The following PDE1C variants were observed in gnomAD, a reference collection of about 807,000 sequenced individuals.
PDE1C encodes phosphodiesterase 1C.
Under a neutral mutation model 93.1 loss-of-function variants are expected in PDE1C, and 62 were observed. The ratio of observed to expected loss-of-function variants is 0.67; its 90% CI spans 0.54 to 0.82. PDE1C has a LOEUF of 0.82. Among genes scored for constraint, PDE1C ranks in the 40% least tolerant of loss-of-function variants. PDE1C has a pLI of 0.00. For synonymous variants in PDE1C, 325 were observed against 310.1 expected, an observed-to-expected ratio of 1.05 and a Z score of -0.50; for missense variants, 742 against 884.6, an observed-to-expected ratio of 0.84 and a Z score of 2.04.
intron 2 of PDE1C, among the ~76,000 whole-genome samples, chr7:32,194,295 C>T (rs1397365036): frequency 6.6e-6 from 1 of 152,138 alleles, no homozygotes; most frequent in Non-Finnish European, 1.5e-5. Context: ...CCCTTATTAT[C>T]CTTTTGATAT....
At chr7:31,680,032 C>A in the PDE1C span, among the ~76,000 whole-genome samples, 1 of 152,282 alleles carries the variant, frequency 6.6e-6, no homozygotes, top group Admixed American at 6.5e-5. Flanking sequence ...AGAGAGTGTC[C>A]GGATGCACCT....
At chr7:32,309,377 C>T (rs1280301433) in intron 1 of PDE1C, among the ~76,000 whole-genome samples, 1 of 152,184 alleles carries the variant, frequency 6.6e-6, no homozygotes, top group African/African-American at 2.4e-5. Flanking sequence ...GGCCAACATT[C>T]AGACTCAGGA....
chr7:32,300,152 C>G (rs1363044072), upstream of PDE1C, among the ~76,000 whole-genome samples: 1 of 152,086 alleles, frequency 6.6e-6, no homozygotes, highest in Non-Finnish European at 1.5e-5. Flanking sequence ...CTTCAGGGGG[C>G]CCATTAAAAC....
At chr7:31,919,583 T>C (rs1802355797) in intron 2 of PDE1C, among the ~76,000 whole-genome samples, 1 of 152,026 alleles carries the variant, frequency 6.6e-6, no homozygotes, top group Non-Finnish European at 1.5e-5. Flanking sequence ...CATTTTAAAC[T>C]AGAACTTAAC....
the PDE1C span, among the ~76,000 whole-genome samples, chr7:31,629,887 G>A: frequency 7.2e-5 from 11 of 152,144 alleles, no homozygotes; most frequent in Admixed American, 7.2e-4. Context: ...GAATTAGGAA[G>A]TCTTGCTTAA....
At position 31,846,535 on chromosome 7, in the gene PDE1C, A is replaced by G. The variant is rs140566306; in HGVS notation, c.980+1433T>C. 7.5e-3 allele frequency among the ~76,000 whole-genome samples: 1,147 copies of G among 152,208 alleles called. 9 individuals are homozygous for G. Among genetic ancestry groups the G allele is most frequent in the African/African-American group, 0.026 (1,086 of 41,540 alleles). ...TAAAACCATAAAAACCCTAGAAGAA[A>G]ACCTAGGCAATAGCATTCAGGATAT... On this transcript the variant is annotated intron_variant, in intron 9 of 17. Coordinates refer to ENST00000396191, the MANE Select transcript of PDE1C (RefSeq NM_001191057.4).
chr7:32,284,859 C>A (rs145319038), intron 1 of PDE1C, among the ~76,000 whole-genome samples: 2 of 151,962 alleles, frequency 1.3e-5, no homozygotes, highest in African/African-American at 4.8e-5. Context: ...TGGTGAAACC[C>A]GTCTCTACAA....
intron 3 of PDE1C, among the ~76,000 whole-genome samples, chr7:32,105,785 C>G (rs1176090896): frequency 1.3e-5 from 2 of 150,748 alleles, no homozygotes; most frequent in Non-Finnish European, 1.5e-5. Flanking sequence ...CTTGGTCTCC[C>G]AAAGTGCTGG....
At chr7:31,899,711 A>G (rs1799741349) in intron 2 of PDE1C, among the ~76,000 whole-genome samples, 1 of 152,066 alleles carries the variant, frequency 6.6e-6, no homozygotes, top group South Asian at 2.1e-4. Flanking sequence ...GAATGTGTAA[A>G]CCCTTAGTAT....
At chr7:31,756,769 A>G (rs1010605253) in intron 17 of PDE1C, among the ~76,000 whole-genome samples, 11 of 152,198 alleles carry the variant, frequency 7.2e-5, no homozygotes, top group Admixed American at 3.3e-4. Flanking sequence ...ATAAAGGTGA[A>G]AACAAGTCAA....
intron 2 of PDE1C, among the ~76,000 whole-genome samples, chr7:31,927,344 G>A (rs533135703): frequency 6.6e-6 from 1 of 152,176 alleles, no homozygotes; most frequent in East Asian, 1.9e-4. Flanking sequence ...AGAGCACTTG[G>A]GGGTAGGGGC....
At chr7:32,250,165 C>T (rs1041534746) in intron 1 of PDE1C, among the ~76,000 whole-genome samples, 27 of 152,146 alleles carry the variant, frequency 1.8e-4, no homozygotes, top group Non-Finnish European at 3.2e-4. Flanking sequence ...TTAGACACTG[C>T]CTGCCTGCCA....
At chr7:32,133,477 G>C (rs4476905) in intron 3 of PDE1C, among the ~76,000 whole-genome samples, 1 of 152,022 alleles carries the variant, frequency 6.6e-6, no homozygotes, top group Non-Finnish European at 1.5e-5. Context: ...TTGGCTGAAG[G>C]AACCAGGGGA....
intron 17 of PDE1C, among the ~76,000 whole-genome samples, chr7:31,757,785 TC>T (rs1236187088): frequency 1.3e-5 from 2 of 152,178 alleles, no homozygotes; most frequent in Non-Finnish European, 2.9e-5. Context: ...GACCCAGCCA[TC>T]CCATTACTGG....
intron 1 of PDE1C, among the ~76,000 whole-genome samples, chr7:32,055,024 C>A (rs1459199220): frequency 6.6e-6 from 1 of 152,168 alleles, no homozygotes; most frequent in Non-Finnish European, 1.5e-5. Context: ...AGCTTACCCA[C>A]CACATTGCAC....
chr7:31,837,009 T>C (rs1200066402), intron 11 of PDE1C, among the ~76,000 whole-genome samples, 171 bp downstream of exon 11: 1 of 152,194 alleles, frequency 6.6e-6, no homozygotes, highest in East Asian at 1.9e-4. Flanking sequence ...AAGCAGTATT[T>C]AGGTAAGATT....
chr7:32,030,195 AAAG>A (rs938352264), intron 2 of PDE1C, among the ~76,000 whole-genome samples: 17 of 152,030 alleles, frequency 1.1e-4, no homozygotes, highest in African/African-American at 4.1e-4. Context: ...AGGAGGAATC[AAAG>A]AAGACTGGAC....
chr7:31,705,668 G>C, the PDE1C span, among the ~76,000 whole-genome samples: 1 of 152,178 alleles, frequency 6.6e-6, no homozygotes, highest in African/African-American at 2.4e-5. Context: ...GTCCAGTGTG[G>C]TAGAAAGGCC....
chr7:31,827,779 A>G (rs929724092), intron 12 of PDE1C, among the ~76,000 whole-genome samples: 47 of 152,168 alleles, frequency 3.1e-4, no homozygotes, highest in Admixed American at 1.3e-4. Context: ...TTAGCAATTC[A>G]AAAGTTATTC....
Sources: allele counts gnomAD v4.1 joint callset (sites outside exome capture counted in the v4.1 genomes callset), GRCh38; gene constraint gnomAD v4.1.1; transcripts MANE v1.5; gene names NCBI Gene and HGNC (gene_info 2026-07-23, HGNC 2026-07-21).